ZNF670: variants seen among roughly 807,000 people sequenced by gnomAD.
The protein encoded by ZNF670 is zinc finger protein 670.
ZNF670 carries 7 observed loss-of-function variants against 10.9 expected under a neutral mutation model. The ratio of observed to expected loss-of-function variants is 0.64; its 90% CI spans 0.36 to 1.20. ZNF670 has a LOEUF of 1.20. Ranked by LOEUF, ZNF670 falls within the 50% of genes most tolerant of loss-of-function variation. ZNF670 has a pLI of 0.02. For synonymous variants in ZNF670, 136 were observed against 152.7 expected (o/e 0.89, Z 0.81); for missense variants, 446 against 458.6 (o/e 0.97, Z 0.25).
chr1:247,070,124 T>C, intron 1 of ZNF670, among the ~76,000 whole-genome samples: 1 of 151,912 alleles, frequency 6.6e-6, no homozygotes, highest in Non-Finnish European at 1.5e-5. Flanking sequence ...ACATACTTAG[T>C]ATGTACCCAC....
At chr1:247,075,093 GAAC>G (rs1164656944) in intron 1 of ZNF670, among the ~76,000 whole-genome samples, 1 of 152,204 alleles carries the variant, frequency 6.6e-6, no homozygotes, top group Non-Finnish European at 1.5e-5. Flanking sequence ...TCCCAAGGAA[GAAC>G]TGAGTGAGGC....
At chr1:247,051,289 G>A (rs1670590560) in intron 1 of ZNF670, among the ~76,000 whole-genome samples, 1 of 151,788 alleles carries the variant, frequency 6.6e-6, no homozygotes, top group Non-Finnish European at 1.5e-5. Context: ...ACTCCTTTTA[G>A]CAGTTGTTGT....
chr1:247,078,285 A>T (rs1352986749), intron 1 of ZNF670, among the ~76,000 whole-genome samples: 1 of 152,150 alleles, frequency 6.6e-6, no homozygotes, highest in Non-Finnish European at 1.5e-5. Context: ...CCACGCAGGA[A>T]CCCCGAACCC....
chr1:247,065,411 C>A (rs1025864922), intron 1 of ZNF670, among the ~76,000 whole-genome samples: 1 of 152,156 alleles, frequency 6.6e-6, no homozygotes, highest in Non-Finnish European at 1.5e-5. Flanking sequence ...ACTCCGTGAG[C>A]ATAACATGCC....
intron 1 of ZNF670, among the ~76,000 whole-genome samples, chr1:247,078,124 C>T (rs540859111): frequency 6.6e-6 from 1 of 152,298 alleles, no homozygotes; most frequent in Admixed American, 6.5e-5. Flanking sequence ...TTACAAAAAA[C>T]CCTTTCCTTC....
In ZNF670 at chr1:247,037,362, T is replaced by G; in HGVS notation, c.*87A>C. 1 of 1,459,164 alleles carries G rather than the reference T, an allele frequency of 6.9e-7. No individual in the cohort carries two copies. Among genetic ancestry groups the G allele is most frequent in the South Asian group, 1.5e-5 (1 of 66,448 alleles). The allele number at this position is 1,459,164 out of a possible 1,614,324, so 90.4% of individuals were successfully genotyped here. Reference sequence around the variant, plus strand: ...TTTCTCTCTAATTTGAGTTTTTAATTTTTTCACGTGTTCTAATGAAACTAG... The same window carrying G: ...TTTCTCTCTAATTTGAGTTTTTAATGTTTTCACGTGTTCTAATGAAACTAG... On this transcript the variant is annotated 3_prime_UTR_variant, in exon 4 of 4. Transcript: ENST00000366503.
At chr1:247,060,291 G>A (rs528111753) in intron 1 of ZNF670, among the ~76,000 whole-genome samples, 3 of 151,846 alleles carry the variant, frequency 2.0e-5, no homozygotes, top group Non-Finnish European at 4.4e-5. Flanking sequence ...AACAAAAGAG[G>A]GCAGAAAACC....
At chr1:247,056,835 T>A (rs1670729585) in intron 1 of ZNF670, among the ~76,000 whole-genome samples, 2 of 152,132 alleles carry the variant, frequency 1.3e-5, no homozygotes, top group Non-Finnish European at 2.9e-5. Flanking sequence ...TCTCACCATA[T>A]AAAAACAAAA....
At chr1:247,054,384 C>T (rs139815564) in intron 1 of ZNF670, among the ~76,000 whole-genome samples, 39 of 152,286 alleles carry the variant, frequency 2.6e-4, no homozygotes, top group African/African-American at 9.1e-4. Flanking sequence ...GCTCATGGCT[C>T]CAAAAGGGAA....
At chr1:247,040,302 GATAATTT>G (rs1245569910) in intron 1 of ZNF670, among the ~76,000 whole-genome samples, 1 of 152,184 alleles carries the variant, frequency 6.6e-6, no homozygotes, top group Non-Finnish European at 1.5e-5. Flanking sequence ...AAATAAGACT[GATAATTT>G]ATCTTTAATA....
At chr1:247,072,867 C>A in intron 1 of ZNF670, among the ~76,000 whole-genome samples, 1 of 141,720 alleles carries the variant, frequency 7.1e-6, no homozygotes, top group Non-Finnish European at 1.5e-5. Context: ...CACACACACA[C>A]AAACATCTTT....
chr1:247,042,934 A>T (rs1463267152), intron 1 of ZNF670: 2 of 686,884 alleles, frequency 2.9e-6, no homozygotes, highest in Non-Finnish European at 5.4e-6. Context: ...TTTCATTCAC[A>T]TTGAAAGATG....
chr1:247,043,782 G>C, intron 1 of ZNF670: 2 of 369,692 alleles, frequency 5.4e-6, no homozygotes, highest in Non-Finnish European at 1.1e-5. Flanking sequence ...CTGATTTGCA[G>C]AAACTGGATC....
intron 1 of ZNF670, among the ~76,000 whole-genome samples, chr1:247,041,660 T>G (rs1212674262): frequency 6.6e-6 from 1 of 152,196 alleles, no homozygotes; most frequent in Admixed American, 6.5e-5. Flanking sequence ...TACGGTGCAT[T>G]TGCACTTGGA....
In ZNF670 at chr1:247,051,075, G is replaced by A. The variant is rs908152838; in HGVS notation, c.4-11538C>T. ...TGTAATCCCAGCACTTTGGGAGGCC[G>A]AGGCGGGTGGATCACGAGGTCAGGA... On this transcript the variant is annotated intron_variant, in intron 1 of 3. Transcript: ENST00000366503. Among the ~76,000 whole-genome samples the A allele has an allele frequency of 3.0e-4, 45 of 151,644 alleles. No homozygotes were observed. The East Asian group carries it at 4.1e-3, about 14-fold the overall frequency.
chr1:247,049,541 A>G (rs34919391), intron 1 of ZNF670, among the ~76,000 whole-genome samples: 22,471 of 151,680 alleles, frequency 0.15, 1,879 homozygotes, highest in South Asian at 0.25. Context: ...GATCTTTGTT[A>G]GTTCTTTTAT....
chr1:247,039,193 G>C (rs1051214825), intron 2 of ZNF670, among the ~76,000 whole-genome samples: 2 of 151,716 alleles, frequency 1.3e-5, no homozygotes, highest in African/African-American at 4.8e-5. Context: ...CAAGTAGCTG[G>C]GATTACAGGC....
At chr1:247,041,318 A>G (rs952134095) in intron 1 of ZNF670, among the ~76,000 whole-genome samples, 2 of 152,218 alleles carry the variant, frequency 1.3e-5, no homozygotes, top group African/African-American at 2.4e-5. Flanking sequence ...GTGGGAAAAA[A>G]CTGTAATACA....
chr1:247,071,530 C>T (rs1479082130), intron 1 of ZNF670, among the ~76,000 whole-genome samples: 1 of 152,252 alleles, frequency 6.6e-6, no homozygotes, highest in Non-Finnish European at 1.5e-5. Context: ...ATGTTCACCA[C>T]CTGGGTGATA....
Sources: allele counts gnomAD v4.1 joint callset (sites outside exome capture counted in the v4.1 genomes callset), GRCh38; gene constraint gnomAD v4.1.1; transcripts MANE v1.5; gene names NCBI Gene and HGNC (gene_info 2026-07-23, HGNC 2026-07-21).